FAM170A: variants seen among roughly 807,000 people sequenced by gnomAD.
FAM170A encodes family with sequence similarity 170 member A.
A neutral mutation model predicts 36.6 loss-of-function variants in FAM170A; 28 were observed. The observed-to-expected ratio is 0.76, with a 90% confidence interval of 0.57 to 1.05. The LOEUF (loss-of-function observed/expected upper bound fraction) is 1.05, where lower values mean the gene tolerates loss of function less well. FAM170A is among the 50% of genes least tolerant of loss of function. The pLI is 0.00. For missense variants in FAM170A, 434 were observed against 396.5 expected, an observed-to-expected ratio of 1.09 and a Z score of -0.80; for synonymous variants, 156 against 143.9, an observed-to-expected ratio of 1.08 and a Z score of -0.60.
chr5:119,634,182 C>G, exon 3 of FAM170A: 1 of 1,614,212 alleles, frequency 6.2e-7, no homozygotes, highest in Non-Finnish European at 8.5e-7. Flanking sequence ...TCCTGGGAGA[C>G]AGAGGAAACT....
intron 4 of FAM170A, 32 bp downstream of exon 4, chr5:119,635,118 T>C (rs748822731): frequency 6.6e-7 from 1 of 1,524,114 alleles, no homozygotes; most frequent in Admixed American, 1.7e-5. Flanking sequence ...TTTCTGAGGC[T>C]GTGTTGTGAG....
intron 1 of FAM170A, 31 bp downstream of exon 1, chr5:119,629,869 A>G (rs778819616): frequency 1.9e-6 from 3 of 1,560,474 alleles, no homozygotes; most frequent in African/African-American, 2.7e-5. Flanking sequence ...CTGGGGCACA[A>G]GCGTCACTGG....
intron 1 of FAM170A, 103 bp downstream of exon 1, chr5:119,629,941 G>C (rs1409075584): frequency 1.2e-6 from 1 of 834,720 alleles, no homozygotes; most frequent in Non-Finnish European, 1.9e-6. Context: ...GCCCAGGCTG[G>C]AGTGCAGTGG....
exon 3 of FAM170A, chr5:119,634,125 T>G: frequency 2.5e-6 from 4 of 1,614,126 alleles, no homozygotes; most frequent in Non-Finnish European, 3.4e-6. Flanking sequence ...GAAAGGGGCA[T>G]GAAAATATAC....
chr5:119,629,699 A>G, exon 1 of FAM170A: 3 of 1,170,576 alleles, frequency 2.6e-6, no homozygotes, highest in Non-Finnish European at 2.5e-6. Flanking sequence ...AGAGCCAAGA[A>G]GGGCCAATCT....
intron 1 of FAM170A, among the ~76,000 whole-genome samples, chr5:119,630,759 T>C (rs1756232421): frequency 6.6e-6 from 1 of 152,212 alleles, no homozygotes. Context: ...TTCTCTCGTA[T>C]TCTCTTTATT....
exon 3 of FAM170A, chr5:119,634,302 G>C: frequency 2.5e-6 from 4 of 1,614,208 alleles, no homozygotes; most frequent in Non-Finnish European, 3.4e-6. Context: ...CTGTCTGACA[G>C]TGAGCCCAGT....
exon 3 of FAM170A, chr5:119,634,622 G>A (rs147864809): frequency 6.2e-7 from 1 of 1,611,934 alleles, no homozygotes; most frequent in South Asian, 1.1e-5. Flanking sequence ...GGAGGAGGAA[G>A]AGAAACCAGA....
exon 3 of FAM170A, chr5:119,634,392 C>T: frequency 6.2e-7 from 1 of 1,614,148 alleles, no homozygotes; most frequent in Non-Finnish European, 8.5e-7. Context: ...ACACCCAGAG[C>T]CAAGACTCCT....
At chr5:119,631,808 A>C (rs772534536) in intron 1 of FAM170A, among the ~76,000 whole-genome samples, 4 of 152,142 alleles carry the variant, frequency 2.6e-5, no homozygotes, top group African/African-American at 9.7e-5. Context: ...TTTAAGAGCC[A>C]GTCACACATC....
At chr5:119,630,081 C>T (rs1220065339) in intron 1 of FAM170A, among the ~76,000 whole-genome samples, 5 of 140,766 alleles carry the variant, frequency 3.6e-5, no homozygotes, top group Admixed American at 7.3e-5. Flanking sequence ...TTAGTAGAGA[C>T]GGGGTTTCAC....
intron 2 of FAM170A, among the ~76,000 whole-genome samples, chr5:119,633,598 C>T (rs12658639): frequency 0.27 from 41,242 of 151,850 alleles, 5,834 homozygotes; most frequent in Non-Finnish European, 0.29. Flanking sequence ...TGCACACACA[C>T]CACCCAAATG....
At position 119,635,017 on chromosome 5, in the gene FAM170A, T is replaced by C; in HGVS notation, c.987-14T>C. 1 of 1,614,042 alleles carries C rather than the reference T, an allele frequency of 6.2e-7. No individual in the cohort carries two copies. ...TAAGAAGTGTCTTTCTTTGGTTTGA[T>C]TTTCACACAGCAGCTGAGACTTATG... On this transcript the variant is annotated splice_polypyrimidine_tract_variant and intron_variant, in intron 3 of 4. Transcript: ENST00000613773.
At chr5:119,635,764 C>G in exon 5 of FAM170A, 1 of 154,510 alleles carries the variant, frequency 6.5e-6, no homozygotes, top group Middle Eastern at 5.2e-4. Context: ...AGATGAGGGA[C>G]CAGCACTCAG....
At chr5:119,632,959 G>A (rs1756287970) in intron 2 of FAM170A, 71 bp downstream of exon 2, 10 of 1,477,540 alleles carry the variant, frequency 6.8e-6, no homozygotes, top group Non-Finnish European at 6.4e-6. Context: ...AAATATTTGA[G>A]TGTGGGGCTC....
chr5:119,631,818 C>G (rs1355365242), intron 1 of FAM170A, among the ~76,000 whole-genome samples: 1 of 152,092 alleles, frequency 6.6e-6, no homozygotes, highest in Non-Finnish European at 1.5e-5. Flanking sequence ...AGTCACACAT[C>G]ATACATGCCA....
chr5:119,633,291 G>C (rs1756295741), intron 2 of FAM170A, among the ~76,000 whole-genome samples: 2 of 152,144 alleles, frequency 1.3e-5, no homozygotes, highest in Admixed American at 1.3e-4. Flanking sequence ...GCTCTGCAGA[G>C]GTGTCTGGGC....
chr5:119,630,657 C>A (rs188362055), intron 1 of FAM170A, among the ~76,000 whole-genome samples: 5 of 152,304 alleles, frequency 3.3e-5, no homozygotes, highest in Admixed American at 6.5e-5. Context: ...AGAACTTTTG[C>A]TCTGGGGCTG....
exon 2 of FAM170A, chr5:119,632,775 T>G: frequency 6.2e-7 from 1 of 1,609,256 alleles, no homozygotes; most frequent in Non-Finnish European, 8.5e-7. Context: ...GAGGATGCCC[T>G]GCAGCCTGGA....
Sources: allele counts gnomAD v4.1 joint callset (sites outside exome capture counted in the v4.1 genomes callset), GRCh38; gene constraint gnomAD v4.1.1; transcripts MANE v1.5; gene names NCBI Gene and HGNC (gene_info 2026-07-23, HGNC 2026-07-21).